The following GCN1 variants were observed in gnomAD, a reference collection of about 807,000 sequenced individuals.
GCN1 encodes the protein stalled ribosome sensor GCN1.
A neutral mutation model predicts 288.4 loss-of-function variants in GCN1; 90 were observed. The ratio of observed to expected loss-of-function variants is 0.31; its 90% CI spans 0.26 to 0.37. The LOEUF is 0.37. GCN1 is among the 10% of genes least tolerant of loss of function. The pLI is 1.00. For missense variants in GCN1, 2,586 were observed against 3,419.9 expected, an observed-to-expected ratio of 0.76 and a Z score of 6.08; for synonymous variants, 1,386 against 1,420.2, an observed-to-expected ratio of 0.98 and a Z score of 0.54.
At position 120,158,148 on chromosome 12, in the gene GCN1, C is replaced by T. The variant is rs1345739971; in HGVS notation, c.2906-118G>A. 2 of 947,198 alleles carry T rather than the reference C, an allele frequency of 2.1e-6. No individual in the cohort carries two copies. Among genetic ancestry groups the T allele is most frequent in the African/African-American group, 3.3e-5 (2 of 60,860 alleles). The allele number at this position is 947,198 out of a possible 1,614,324, so 58.7% of individuals were successfully genotyped here. ...GATGGACCAGAGGCCCGTTCTGACA[C>T]CTGGAAGCACATGGCACGAGGACAG... On this transcript the variant is annotated intron_variant, in intron 25 of 57. Coordinates refer to ENST00000300648, the MANE Select transcript of GCN1 (RefSeq NM_006836.2). The surrounding 1 kb of genome is among the most constrained non-coding windows in gnomAD (Gnocchi z 4.3).
At chr12:120,177,129 C>A (rs1272347104) in intron 9 of GCN1, among the ~76,000 whole-genome samples, 6 of 152,120 alleles carry the variant, frequency 3.9e-5, no homozygotes, top group African/African-American at 1.2e-4. Context: ...GTGTCGCCAT[C>A]TTGGCTCACT....
At chr12:120,163,839 GGGGGA>G (rs1226707576) in intron 18 of GCN1, among the ~76,000 whole-genome samples, 5 of 152,336 alleles carry the variant, frequency 3.3e-5, no homozygotes, top group Admixed American at 1.3e-4. Flanking sequence ...CAAGGATAAA[GGGGGA>G]GGGCACGGTG....
rs1395926934 is a variant in GCN1, at chr12:120,136,719, A to G, written c.6791T>C (p.Ile2264Thr). 6.2e-7 allele frequency: 1 copy of G among 1,613,382 alleles called. No individual in the cohort carries two copies. Among genetic ancestry groups the G allele is most frequent in the Admixed American group, 1.7e-5 (1 of 60,026 alleles). Residue 2264 changes from isoleucine to threonine, a missense_variant, in exon 51 of 58, where the codon ATC becomes ACC. Transcript: ENST00000300648. ...GACTCCTTCCCGCAACACTGGAAGG[A>G]TGGAGGTCACTCCCTGACAAGAGAA... Reference protein sequence around the residue: ...FCLPKKGVTSILPVLREGVLT... With the variant: ...FCLPKKGVTSTLPVLREGVLT...
chr12:120,145,408 C>T, intron 38 of GCN1, 78 bp from the exon 39 acceptor site: 3 of 1,081,518 alleles, frequency 2.8e-6, no homozygotes, highest in East Asian at 2.6e-5. Flanking sequence ...GGACCCTGAC[C>T]TCCCCATTCT....
intron 9 of GCN1, among the ~76,000 whole-genome samples, chr12:120,176,780 T>C (rs1878494481): frequency 6.6e-6 from 1 of 152,178 alleles, no homozygotes; most frequent in African/African-American, 2.4e-5. Flanking sequence ...CTCTTTCTTT[T>C]TTTTTGGACA....
At chr12:120,164,275 C>T (rs1322978100) in intron 18 of GCN1, 61 bp downstream of exon 18, 8 of 1,477,660 alleles carry the variant, frequency 5.4e-6, no homozygotes, top group Middle Eastern at 1.8e-4. Context: ...AACCCCACAT[C>T]GTAAGCAGGG....
intron 2 of GCN1, among the ~76,000 whole-genome samples, chr12:120,189,548 T>A (rs1431261515): frequency 2.1e-5 from 3 of 141,126 alleles, no homozygotes; most frequent in East Asian, 2.2e-4. Context: ...CTTTTTTTTT[T>A]AATAGAGACG....
chr12:120,181,150 T>C (rs1368909503), intron 5 of GCN1, among the ~76,000 whole-genome samples: 1 of 152,022 alleles, frequency 6.6e-6, no homozygotes, highest in African/African-American at 2.4e-5. Context: ...AACAGAGGAC[T>C]CCCTATATAT....
At position 120,166,227 on chromosome 12, in the gene GCN1, A is replaced by T. The variant is rs562234319; in HGVS notation, c.1613-1506T>A. On this transcript the variant is annotated intron_variant, in intron 16 of 57. Coordinates refer to ENST00000300648, the MANE Select transcript of GCN1 (RefSeq NM_006836.2). The stretch of plus-strand genomic sequence containing the variant: ...AGACCAGCCTGGCCAACATAGTAAA[A>T]CCCCGTCTGTACTAAAAATACAAAA... Among the ~76,000 whole-genome samples, 5 of 150,428 alleles carry T rather than the reference A, an allele frequency of 3.3e-5. No homozygotes were observed. In the South Asian group the frequency reaches 8.4e-4, roughly 25 times the overall value.
intron 2 of GCN1, among the ~76,000 whole-genome samples, chr12:120,188,958 A>C (rs1170904452): frequency 6.6e-6 from 1 of 152,188 alleles, no homozygotes; most frequent in Non-Finnish European, 1.5e-5. Flanking sequence ...TAGCTTTCAC[A>C]CCTGAATGGA....
chr12:120,148,089 G>A, intron 37 of GCN1, 78 bp downstream of exon 37: 1 of 1,017,530 alleles, frequency 9.8e-7, no homozygotes, highest in South Asian at 1.6e-5. Flanking sequence ...AGCTGAATGG[G>A]TGCAAGTTCC....
In GCN1 at chr12:120,158,750, T is replaced by C; in HGVS notation, c.2750-135A>G. On this transcript the variant is annotated intron_variant, in intron 24 of 57. Coordinates refer to ENST00000300648, the MANE Select transcript of GCN1 (RefSeq NM_006836.2). The surrounding 1 kb of genome is among the most constrained non-coding windows in gnomAD (Gnocchi z 4.3). ...TTCTGCGGCTGGGCGCGGTGGCTGA[T>C]GCCTGTAATCCCAGCACTTTGGGAG... 4.1e-6 allele frequency: 3 copies of C among 728,702 alleles called. No individual in the cohort carries two copies. The highest frequency in any genetic ancestry group is 6.6e-6 in the Non-Finnish European group (3 of 453,064). 45.1% of individuals were successfully genotyped at this position (728,702 alleles called of 1,614,324 possible).
intron 18 of GCN1, among the ~76,000 whole-genome samples, chr12:120,163,681 C>A (rs755095366): frequency 3.9e-5 from 6 of 152,102 alleles, no homozygotes; most frequent in Non-Finnish European, 8.8e-5. Context: ...ACTCCTAGAA[C>A]CCTGGTCAAT....
At chr12:120,162,079 T>C in intron 20 of GCN1, 21 bp from the exon 21 acceptor site, 2 of 1,608,016 alleles carry the variant, frequency 1.2e-6, no homozygotes, top group Middle Eastern at 2.2e-4. Flanking sequence ...AACGCAGACA[T>C]GGTCAGTGTG....
In GCN1 at chr12:120,134,502, A is replaced by C. The variant is rs771218797; in HGVS notation, c.7202+31T>G. ...CCCACAGCAACCCCTGGCCTCCTGG[A>C]GGCCACAGTGCTCCCTTGCCAGCGC... is the stretch of plus-strand genomic sequence containing the variant. On this transcript the variant is annotated intron_variant, in intron 52 of 57. Transcript: ENST00000300648. This position sits in a 1 kb window ranked among gnomAD's most constrained non-coding sequence, Gnocchi z 5.0. The C allele has an allele frequency of 6.2e-7, 1 of 1,606,130 alleles. No homozygotes were observed. The highest frequency in any genetic ancestry group is 1.1e-5 in the South Asian group (1 of 90,854).
intron 56 of GCN1, 50 bp from the exon 57 acceptor site, chr12:120,129,544 C>T (rs1876744627): frequency 7.3e-7 from 1 of 1,368,546 alleles, no homozygotes; most frequent in African/African-American, 1.4e-5. Context: ...TCATCTATTC[C>T]TTGAAGCAGC....
At chr12:120,190,157 G>A (rs1452353213) in intron 2 of GCN1, 141 bp downstream of exon 2, 17 of 581,908 alleles carry the variant, frequency 2.9e-5, no homozygotes, top group Non-Finnish European at 4.6e-5. Context: ...CCCAGGAGGT[G>A]GAGGTTGCAA....
At chr12:120,191,854 T>C (rs1447599700) in intron 1 of GCN1, among the ~76,000 whole-genome samples, 5 of 152,166 alleles carry the variant, frequency 3.3e-5, no homozygotes, top group African/African-American at 9.7e-5. Context: ...TATATCTAAG[T>C]ATCTCTAAAT....
intron 5 of GCN1, among the ~76,000 whole-genome samples, chr12:120,180,408 A>G (rs1043397688): frequency 1.3e-5 from 2 of 151,736 alleles, no homozygotes; most frequent in Non-Finnish European, 2.9e-5. Context: ...CAAGGTCAAG[A>G]GATCGAGACC....
Sources: gnomAD v4.1 joint callset for allele counts (sites outside exome capture counted in the v4.1 genomes callset) on GRCh38, gnomAD v4.1.1 for gene constraint, Gnocchi (gnomAD v3.1) non-coding constraint, MANE v1.5 for transcripts, NCBI Gene and HGNC (gene_info 2026-07-23, HGNC 2026-07-21) for gene names.